STX18: variants seen among roughly 807,000 people sequenced by gnomAD.
STX18 encodes syntaxin 18, also known as syntaxin-18.
In STX18, 40 loss-of-function variants were observed where a neutral mutation model predicts 50.1. The ratio of observed to expected loss-of-function variants is 0.80; its 90% CI spans 0.62 to 1.04. The LOEUF (loss-of-function observed/expected upper bound fraction) is 1.04. STX18 is among the 50% of genes least tolerant of loss of function. STX18 has a pLI of 0.00. For missense variants in STX18, 410 were observed against 415.8 expected (o/e 0.99, Z 0.12); for synonymous variants, 158 against 151.8 (o/e 1.04, Z -0.30).
intron 1 of STX18, among the ~76,000 whole-genome samples, chr4:4,513,798 T>C (rs1730115671): frequency 6.6e-6 from 1 of 152,208 alleles, no homozygotes; most frequent in Non-Finnish European, 1.5e-5. Context: ...GCTACTGCAG[T>C]AATGAATTGC....
chr4:4,457,274 T>C lies in STX18; in HGVS notation c.431-17A>G, dbSNP rs1727130443. On this transcript the variant is annotated splice_polypyrimidine_tract_variant and intron_variant, in intron 4 of 10. Coordinates refer to ENST00000306200, the MANE Select transcript of STX18 (RefSeq NM_016930.4). ...TACATACTCCTGTTGCAGAAGAAAA[T>C]ACCAGAAGAGAGACTGCTTAAAACA... is the stretch of plus-strand genomic sequence containing the variant. 5 of 1,612,934 alleles carry C rather than the reference T, an allele frequency of 3.1e-6. No homozygotes were observed. The highest frequency in any genetic ancestry group is 2.2e-5 in the South Asian group (2 of 91,052).
chr4:4,436,119 T>C (rs557392302), intron 6 of STX18, among the ~76,000 whole-genome samples: 4 of 152,260 alleles, frequency 2.6e-5, no homozygotes, highest in East Asian at 3.9e-4. Flanking sequence ...GATCTTTAAA[T>C]AGGGGAAGAG....
chr4:4,534,471 C>G (rs1731243212), intron 1 of STX18, among the ~76,000 whole-genome samples: 1 of 152,146 alleles, frequency 6.6e-6, no homozygotes, highest in African/African-American at 2.4e-5. Flanking sequence ...TTTGTTGAGC[C>G]TACCTACTAA....
At position 4,420,824 on chromosome 4, in the gene STX18, C is replaced by G. The variant is rs12504623; in HGVS notation, c.912+40G>C. 23 of 1,567,818 alleles carry G rather than the reference C, an allele frequency of 1.5e-5. No individual in the cohort carries two copies. The African/African-American group carries it at 3.0e-4, about 20-fold the overall frequency. Reference sequence around the variant, plus strand: ...TAACACCCGCTGCTGGGACTCAGTGCTGCGCCACGTCGCACCTGGGGAACC... The same window carrying G: ...TAACACCCGCTGCTGGGACTCAGTGGTGCGCCACGTCGCACCTGGGGAACC... On this transcript the variant is annotated intron_variant, in intron 10 of 10. Coordinates refer to ENST00000306200, the MANE Select transcript of STX18 (RefSeq NM_016930.4). This position sits in a 1 kb window ranked among gnomAD's most constrained non-coding sequence, Gnocchi z 4.3.
chr4:4,432,906 G>T (rs1258640211), intron 7 of STX18, among the ~76,000 whole-genome samples: 1 of 152,234 alleles, frequency 6.6e-6, no homozygotes, highest in Non-Finnish European at 1.5e-5. Flanking sequence ...ATCCCTGGAG[G>T]TCCCCAGCCT....
chr4:4,428,929 G>A (rs926114110), intron 7 of STX18, among the ~76,000 whole-genome samples: 5 of 152,176 alleles, frequency 3.3e-5, no homozygotes, highest in African/African-American at 7.2e-5. Flanking sequence ...TGGGCAGGTT[G>A]GGCCCTCCAT....
chr4:4,476,653 T>C (rs1333089691), intron 1 of STX18, among the ~76,000 whole-genome samples: 3 of 152,240 alleles, frequency 2.0e-5, no homozygotes, highest in African/African-American at 4.8e-5. Context: ...ATAATGATAT[T>C]ATGTACTAGG....
chr4:4,540,681 C>G (rs889592158), intron 1 of STX18, among the ~76,000 whole-genome samples: 1 of 152,178 alleles, frequency 6.6e-6, no homozygotes, highest in Admixed American at 6.5e-5. Flanking sequence ...TACTCTAACA[C>G]GAGGCTGGTC....
intron 6 of STX18, among the ~76,000 whole-genome samples, chr4:4,437,274 C>T (rs1725841383): frequency 6.6e-6 from 1 of 152,128 alleles, no homozygotes; most frequent in Non-Finnish European, 1.5e-5. Flanking sequence ...CTTCTTAGTG[C>T]CACCTCCTCT....
In STX18 at chr4:4,419,261, TCTTC is replaced by T. The variant is rs1423612745; in HGVS notation, c.*769_*772del. 6.6e-6 allele frequency: 1 copy of T among 152,206 alleles called. No individual in the cohort carries two copies. Among genetic ancestry groups the T allele is most frequent in the Non-Finnish European group, 1.5e-5 (1 of 68,044 alleles). 9.4% of individuals were successfully genotyped at this position (152,206 alleles called of 1,614,324 possible). The stretch of plus-strand genomic sequence containing the variant: ...CAGGCCCGTTCTTCCGTGGCCCACT[TCTTC>T]CTTTGAACAAAGGCTCCTTGGACCC... On this transcript the variant is annotated 3_prime_UTR_variant, in exon 11 of 11. Coordinates refer to ENST00000306200, the MANE Select transcript of STX18 (RefSeq NM_016930.4).
rs549784315 is a variant in STX18, at chr4:4,513,943, G to A, written c.168+27854C>T. On this transcript the variant is annotated intron_variant, in intron 1 of 10. Transcript: ENST00000306200. The stretch of plus-strand genomic sequence containing the variant: ...GCAGGGGTGTGATAAAGACACTGAC[G>A]TCCTTAGCGGGGGTAAGGACATGTA... 4.6e-5 allele frequency among the ~76,000 whole-genome samples: 7 copies of A among 152,224 alleles called. No homozygotes were observed. The South Asian group carries it at 1.2e-3, about 27-fold the overall frequency.
At chr4:4,496,073 G>C (rs146566424) in intron 1 of STX18, among the ~76,000 whole-genome samples, 1 of 152,282 alleles carries the variant, frequency 6.6e-6, no homozygotes, top group Non-Finnish European at 1.5e-5. Context: ...TCAAAAATGA[G>C]ATTTCTCTTT....
intron 1 of STX18, among the ~76,000 whole-genome samples, chr4:4,514,934 A>T (rs1314843971): frequency 6.6e-6 from 1 of 152,168 alleles, no homozygotes; most frequent in Non-Finnish European, 1.5e-5. Context: ...TAATTATAAC[A>T]ATAGTTCCAT....
intron 1 of STX18, among the ~76,000 whole-genome samples, chr4:4,512,102 T>C (rs932993448): frequency 6.6e-6 from 1 of 152,002 alleles, no homozygotes; most frequent in African/African-American, 2.4e-5. Flanking sequence ...GAGCCACTGG[T>C]TTAAATGATC....
chr4:4,476,433 A>G (rs1274647659), intron 1 of STX18, among the ~76,000 whole-genome samples: 1 of 152,214 alleles, frequency 6.6e-6, no homozygotes, highest in African/African-American at 2.4e-5. Flanking sequence ...AAAGCTCAAG[A>G]CTGACTGAGC....
chr4:4,529,102 A>G (rs1730954852), intron 1 of STX18, among the ~76,000 whole-genome samples: 2 of 152,190 alleles, frequency 1.3e-5, no homozygotes, highest in Non-Finnish European at 2.9e-5. Context: ...GGTGGCTCAC[A>G]CCTGTAATCC....
chr4:4,479,553 C>T (rs1437554927), intron 1 of STX18, among the ~76,000 whole-genome samples: 1 of 152,188 alleles, frequency 6.6e-6, no homozygotes, highest in Non-Finnish European at 1.5e-5. Flanking sequence ...CTTCATTAGG[C>T]TAATACTTAA....
intron 1 of STX18, among the ~76,000 whole-genome samples, chr4:4,506,645 G>T (rs1324089112): frequency 6.6e-6 from 1 of 152,078 alleles, no homozygotes; most frequent in Non-Finnish European, 1.5e-5. Context: ...GACCCCCCGT[G>T]GATGCCTGAA....
intron 1 of STX18, among the ~76,000 whole-genome samples, chr4:4,523,906 C>A (rs1171047924): frequency 6.6e-6 from 1 of 152,166 alleles, no homozygotes; most frequent in Non-Finnish European, 1.5e-5. Flanking sequence ...CAAGGCTTAA[C>A]TCAAAACTCA....
Sources: allele counts gnomAD v4.1 joint callset (sites outside exome capture counted in the v4.1 genomes callset), GRCh38; gene constraint gnomAD v4.1.1; non-coding constraint Gnocchi (gnomAD v3.1); transcripts MANE v1.5; gene names NCBI Gene and HGNC (gene_info 2026-07-23, HGNC 2026-07-21).